SGCD: variants seen among roughly 807,000 people sequenced by gnomAD.
SGCD encodes the protein delta-sarcoglycan.
Under a neutral mutation model 36.6 loss-of-function variants are expected in SGCD, and 18 were observed. That is an observed-to-expected ratio of 0.49 (90% CI 0.34 to 0.73). The LOEUF is 0.73. Among genes scored for constraint, SGCD ranks in the 30% least tolerant of loss-of-function variants. The probability of loss-of-function intolerance (pLI) is 0.01; values close to 1 mark genes in which losing one functional copy is unlikely to be tolerated. For missense variants in SGCD, 387 were observed against 346.7 expected, an observed-to-expected ratio of 1.12 and a Z score of -0.92; for synonymous variants, 133 against 130.6, an observed-to-expected ratio of 1.02 and a Z score of -0.12.
intron 1 of SGCD, among the ~76,000 whole-genome samples, chr5:155,976,835 C>A (rs1220402437): frequency 1.3e-5 from 2 of 152,106 alleles, no homozygotes; most frequent in Non-Finnish European, 2.9e-5. Context: ...AACCCTCCAG[C>A]TGCCCACATC....
At chr5:156,358,402 C>T (rs988808547) in intron 3 of SGCD, among the ~76,000 whole-genome samples, 1 of 152,194 alleles carries the variant, frequency 6.6e-6, no homozygotes, top group Non-Finnish European at 1.5e-5. Context: ...GACTTATTTC[C>T]TAGTCTCAGT....
At chr5:155,895,164 A>C (rs191306397) in intron 1 of SGCD, among the ~76,000 whole-genome samples, 1 of 152,206 alleles carries the variant, frequency 6.6e-6, no homozygotes, top group African/African-American at 2.4e-5. Context: ...CAGTCTTCCT[A>C]TCCGTACAAA....
intron 3 of SGCD, among the ~76,000 whole-genome samples, chr5:156,233,290 A>G (rs528128152): frequency 6.6e-6 from 1 of 152,362 alleles, no homozygotes; most frequent in African/African-American, 2.4e-5. Context: ...GTATAATAAA[A>G]CAGAGTGATA....
At chr5:155,956,374 T>C (rs1279334691) in intron 1 of SGCD, among the ~76,000 whole-genome samples, 1 of 152,146 alleles carries the variant, frequency 6.6e-6, no homozygotes, top group Non-Finnish European at 1.5e-5. Context: ...TCAGAATAGA[T>C]GTAATCAACT....
intron 3 of SGCD, among the ~76,000 whole-genome samples, chr5:156,390,706 G>A (rs189781201): frequency 4.6e-5 from 7 of 152,056 alleles, no homozygotes; most frequent in African/African-American, 1.7e-4. Flanking sequence ...CTCCAGCCTG[G>A]GCAACAAGAG....
intron 3 of SGCD, among the ~76,000 whole-genome samples, chr5:156,487,287 G>T (rs1490110585): frequency 6.6e-6 from 1 of 152,072 alleles, no homozygotes; most frequent in Non-Finnish European, 1.5e-5. Context: ...TCACACTACT[G>T]CACCTACCCA....
intron 1 of SGCD, among the ~76,000 whole-genome samples, chr5:156,086,560 C>T (rs1206523095): frequency 6.6e-6 from 1 of 152,178 alleles, no homozygotes; most frequent in Non-Finnish European, 1.5e-5. Flanking sequence ...GTTATTGTCC[C>T]ATCTGGTGAA....
intron 3 of SGCD, among the ~76,000 whole-genome samples, chr5:156,362,631 A>T (rs1769864049): frequency 6.6e-6 from 1 of 152,172 alleles, no homozygotes; most frequent in African/African-American, 2.4e-5. Flanking sequence ...GGTGACAGAG[A>T]GAGACTCCAT....
intron 1 of SGCD, among the ~76,000 whole-genome samples, chr5:156,034,733 A>G (rs1329120683): frequency 1.3e-5 from 2 of 152,178 alleles, no homozygotes; most frequent in African/African-American, 2.4e-5. Flanking sequence ...ACATTAAGAA[A>G]CTGTTCAAGA....
intron 3 of SGCD, among the ~76,000 whole-genome samples, chr5:156,126,605 G>T (rs1230818354): frequency 1.3e-5 from 2 of 152,164 alleles, no homozygotes; most frequent in Non-Finnish European, 2.9e-5. Context: ...GGAAGAAGAA[G>T]GAAATGAGGC....
At chr5:155,962,143 AG>A (rs1008430842) in intron 1 of SGCD, among the ~76,000 whole-genome samples, 4 of 152,090 alleles carry the variant, frequency 2.6e-5, no homozygotes, top group African/African-American at 9.7e-5. Flanking sequence ...CATAGCAGTC[AG>A]GGGGCAGAGT....
At chr5:155,860,944 T>C in the SGCD span, among the ~76,000 whole-genome samples, 1 of 152,228 alleles carries the variant, frequency 6.6e-6, no homozygotes, top group Non-Finnish European at 1.5e-5. Flanking sequence ...CTTTGGCATA[T>C]AATAAATGAG....
At chr5:156,020,751 C>G (rs2127573199) in intron 1 of SGCD, among the ~76,000 whole-genome samples, 1 of 152,292 alleles carries the variant, frequency 6.6e-6, no homozygotes, top group East Asian at 1.9e-4. Context: ...GTGTATTGGT[C>G]AGGCTCTATG....
intron 3 of SGCD, among the ~76,000 whole-genome samples, chr5:156,412,865 G>A (rs1244624776): frequency 1.3e-5 from 2 of 148,734 alleles, no homozygotes; most frequent in Admixed American, 6.8e-5. Context: ...GCGCAATCTC[G>A]GCTCACTGCA....
chr5:156,275,948 T>C (rs986634739), intron 3 of SGCD, among the ~76,000 whole-genome samples: 6 of 152,166 alleles, frequency 3.9e-5, no homozygotes, highest in Non-Finnish European at 7.4e-5. Context: ...CATTCCTCAT[T>C]GAGACAGTCA....
chr5:156,523,782 T>C (rs1757511644), intron 4 of SGCD, among the ~76,000 whole-genome samples: 1 of 152,008 alleles, frequency 6.6e-6, no homozygotes, highest in East Asian at 1.9e-4. Flanking sequence ...TGGCATAGTC[T>C]CACCAGTCAC....
At chr5:155,735,057 C>A in the SGCD span, among the ~76,000 whole-genome samples, 1 of 152,172 alleles carries the variant, frequency 6.6e-6, no homozygotes, top group Admixed American at 6.5e-5. Context: ...CATATAGAAA[C>A]CTCACAAAAA....
chr5:156,031,112 A>G (rs1759340846), intron 1 of SGCD, among the ~76,000 whole-genome samples: 2 of 152,184 alleles, frequency 1.3e-5, no homozygotes, highest in African/African-American at 2.4e-5. Context: ...CCAATATTGT[A>G]TGGAGCAGAA....
intron 3 of SGCD, among the ~76,000 whole-genome samples, chr5:156,430,738 G>A (rs1035274191): frequency 6.6e-6 from 1 of 152,042 alleles, no homozygotes; most frequent in African/African-American, 2.4e-5. Flanking sequence ...GGTGCCTTTA[G>A]GAGTGAAAAC....
Sources: allele counts gnomAD v4.1 joint callset (sites outside exome capture counted in the v4.1 genomes callset), GRCh38; gene constraint gnomAD v4.1.1; transcripts MANE v1.5; gene names NCBI Gene and HGNC (gene_info 2026-07-23, HGNC 2026-07-21).